DUSP22: variants seen among roughly 807,000 people sequenced by gnomAD.
DUSP22 encodes the protein dual specificity protein phosphatase 22.
In DUSP22, 24 loss-of-function variants were observed where a neutral mutation model predicts 24.5. The ratio of observed to expected loss-of-function variants is 0.98; its 90% CI spans 0.71 to 1.38. The LOEUF (loss-of-function observed/expected upper bound fraction) is 1.38, where lower values mean the gene tolerates loss of function less well. Among genes scored for constraint, DUSP22 ranks in the 40% most tolerant of loss-of-function variants. The pLI is 0.00. For synonymous variants in DUSP22, 160 were observed against 106.4 expected, an observed-to-expected ratio of 1.50 and a Z score of -3.10; for missense variants, 330 against 269.2, an observed-to-expected ratio of 1.23 and a Z score of -1.58.
chr6:333,705 G>A (rs903354355), intron 3 of DUSP22, among the ~76,000 whole-genome samples: 14 of 152,296 alleles, frequency 9.2e-5, no homozygotes, highest in Non-Finnish European at 1.9e-4. Context: ...CAAGCTCAGC[G>A]CCCACTTTGC....
At chr6:304,775 A>G (rs553236039) in intron 2 of DUSP22, 114 bp downstream of exon 2, 341 of 1,434,058 alleles carry the variant, frequency 2.4e-4, no homozygotes, top group Non-Finnish European at 3.1e-4. Flanking sequence ...ATTGCTGTGC[A>G]GCCATCACCA....
chr6:316,518 C>T (rs1258709201), intron 3 of DUSP22, among the ~76,000 whole-genome samples: 5 of 152,306 alleles, frequency 3.3e-5, no homozygotes, highest in African/African-American at 1.2e-4. Flanking sequence ...CTGATGGCTC[C>T]AGGTTTGAGG....
At chr6:329,011 G>C (rs1759016772) in intron 3 of DUSP22, among the ~76,000 whole-genome samples, 1 of 152,308 alleles carries the variant, frequency 6.6e-6, no homozygotes, top group African/African-American at 2.4e-5. Context: ...GTCATACCTG[G>C]AGGAGAAATA....
chr6:331,731 A>G (rs537608589), intron 3 of DUSP22, among the ~76,000 whole-genome samples: 2 of 152,418 alleles, frequency 1.3e-5, no homozygotes, highest in South Asian at 4.1e-4. Context: ...TTCTAAGGTA[A>G]CTCAAATTCT....
chr6:350,406 T>C lies in DUSP22; in HGVS notation c.*1455T>C. Reference sequence around the variant, plus strand: ...GCAGAGTCACTCGAATGAAAAAACATACTCGACCTCTCCCTAAAAAGATGT... The same window carrying C: ...GCAGAGTCACTCGAATGAAAAAACACACTCGACCTCTCCCTAAAAAGATGT... On this transcript the variant is annotated 3_prime_UTR_variant, in exon 7 of 7. Transcript: ENST00000419235. The C allele has an allele frequency of 2.7e-6, 3 of 1,105,806 alleles. No homozygotes were observed. Among genetic ancestry groups the C allele is most frequent in the Non-Finnish European group, 3.3e-6 (3 of 903,354 alleles). The allele number at this position is 1,105,806 out of a possible 1,614,324, so 68.5% of individuals were successfully genotyped here. A position where few individuals can be genotyped will look rare whatever the true frequency, so the allele number is the denominator to read the frequency against.
At chr6:342,278 C>T (rs1422187714) in intron 4 of DUSP22, among the ~76,000 whole-genome samples, 2 of 152,302 alleles carry the variant, frequency 1.3e-5, no homozygotes, top group Admixed American at 6.5e-5. Flanking sequence ...TGCGTACAGA[C>T]ACGGCTCTTT....
chr6:335,519 T>C (rs905253571), intron 4 of DUSP22, among the ~76,000 whole-genome samples: 1 of 152,300 alleles, frequency 6.6e-6, no homozygotes. Flanking sequence ...CGCTGTCCAA[T>C]AGAAATAGAT....
Position 351,186 on chromosome 6 carries a change from G to T in DUSP22, c.*2235G>T. 1 of 429,314 alleles carries T rather than the reference G, an allele frequency of 2.3e-6. No individual in the cohort carries two copies. Among genetic ancestry groups the T allele is most frequent in the African/African-American group, 2.0e-5 (1 of 50,578 alleles). The allele number at this position is 429,314 out of a possible 1,614,324, so 26.6% of individuals were successfully genotyped here. A position where few individuals can be genotyped will look rare whatever the true frequency, so the allele number is the denominator to read the frequency against. On this transcript the variant is annotated 3_prime_UTR_variant, in exon 7 of 7. Coordinates refer to ENST00000419235, the MANE Select transcript of DUSP22 (RefSeq NM_001286555.3). The stretch of plus-strand genomic sequence containing the variant: ...TTGCTTCCTGTGAACGCCTCCCAAG[G>T]ACGAGCCCAGTGTAGTTGTGTGGCG...
At position 349,391 on chromosome 6, in the gene DUSP22, C is replaced by A. The variant is rs1394533712; in HGVS notation, c.*440C>A. ...GGAAGTCACAGAATTCATATTGCTG[C>A]CCGGGTTGGTGTGGCCACCTTTCCC... On this transcript the variant is annotated 3_prime_UTR_variant, in exon 7 of 7. Coordinates refer to ENST00000419235, the MANE Select transcript of DUSP22 (RefSeq NM_001286555.3). 9.8e-7 allele frequency: 1 copy of A among 1,022,238 alleles called. No individual in the cohort carries two copies. 63.3% of individuals were successfully genotyped at this position (1,022,238 alleles called of 1,614,324 possible).
intron 3 of DUSP22, among the ~76,000 whole-genome samples, chr6:323,054 T>G (rs1432968313): frequency 2.6e-5 from 4 of 152,304 alleles, no homozygotes; most frequent in Non-Finnish European, 5.9e-5. Context: ...CAGGTGGACC[T>G]TGTGTTTGCC....
intron 1 of DUSP22, 101 bp from the exon 2 acceptor site, chr6:304,527 C>T (rs1005170267): frequency 1.9e-6 from 3 of 1,554,994 alleles, no homozygotes; most frequent in African/African-American, 2.7e-5. Context: ...TGGGGAAGCA[C>T]CTGGCCTTTG....
At chr6:347,864 A>C (rs1759955620) in intron 5 of DUSP22, among the ~76,000 whole-genome samples, 1 of 152,424 alleles carries the variant, frequency 6.6e-6, no homozygotes, top group South Asian at 2.1e-4. Flanking sequence ...CCCATAGAAA[A>C]CCAATAAAAG....
chr6:346,695 A>C (rs1759895151), intron 5 of DUSP22, among the ~76,000 whole-genome samples: 1 of 152,260 alleles, frequency 6.6e-6, no homozygotes, highest in African/African-American at 2.4e-5. Context: ...TCTTGAATGA[A>C]GTGTGTTATT....
chr6:351,034 T>C lies in DUSP22; in HGVS notation c.*2083T>C, dbSNP rs1760187594. ...TGTTTATGTTGAGAACTAAGGATATTCTTTAGCAAGAGAAAATATTTTCCC... is the reference window on the plus strand; with the variant it reads ...TGTTTATGTTGAGAACTAAGGATATCCTTTAGCAAGAGAAAATATTTTCCC... On this transcript the variant is annotated 3_prime_UTR_variant, in exon 7 of 7. Transcript: ENST00000419235. 10 of 1,056,244 alleles carry C rather than the reference T, an allele frequency of 9.5e-6. No individual in the cohort carries two copies. The highest frequency in any genetic ancestry group is 1.4e-5 in the Non-Finnish European group (10 of 724,998). The allele number at this position is 1,056,244 out of a possible 1,614,324, so 65.4% of individuals were successfully genotyped here.
intron 1 of DUSP22, among the ~76,000 whole-genome samples, chr6:298,969 G>C (rs1381636535): frequency 6.6e-6 from 1 of 152,306 alleles, no homozygotes; most frequent in African/African-American, 2.4e-5. Flanking sequence ...GAGAGTGCCA[G>C]GGAGTTTGGT....
chr6:304,482 G>A (rs945990631), intron 1 of DUSP22, 146 bp from the exon 2 acceptor site: 13 of 1,225,888 alleles, frequency 1.1e-5, no homozygotes, highest in Non-Finnish European at 1.6e-5. Flanking sequence ...TGGGGATGTT[G>A]GGTCACCCGC....
chr6:342,738 C>G (rs1419604430), intron 4 of DUSP22, among the ~76,000 whole-genome samples: 1 of 152,006 alleles, frequency 6.6e-6, no homozygotes, highest in Non-Finnish European at 1.5e-5. Context: ...GGCCGGAGGT[C>G]AGGGGCAGAG....
Position 292,666 on chromosome 6 carries a change from G to T in DUSP22, c.21+106G>T, listed in dbSNP as rs538590483. ...TCGAGCCCGGGGTGCCCTTTCCCGC[G>T]GTGGGGACGGGCGCGGAGGGAGGGG... is the stretch of plus-strand genomic sequence containing the variant. On this transcript the variant is annotated intron_variant, in intron 1 of 6. Transcript: ENST00000419235. 1.2e-5 allele frequency: 17 copies of T among 1,446,466 alleles called. No homozygotes were observed. In the South Asian group the frequency reaches 2.2e-4, roughly 19 times the overall value. 89.6% of individuals were successfully genotyped at this position (1,446,466 alleles called of 1,614,324 possible). A position where few individuals can be genotyped will look rare whatever the true frequency, so the allele number is the denominator to read the frequency against.
At chr6:300,521 G>A (rs1225000548) in intron 1 of DUSP22, among the ~76,000 whole-genome samples, 2 of 152,310 alleles carry the variant, frequency 1.3e-5, no homozygotes, top group African/African-American at 4.8e-5. Context: ...CTAAGAAGCT[G>A]AGCCTGAAAG....
Sources: gnomAD v4.1 joint callset for allele counts (sites outside exome capture counted in the v4.1 genomes callset) on GRCh38, gnomAD v4.1.1 for gene constraint, MANE v1.5 for transcripts, NCBI Gene and HGNC (gene_info 2026-07-23, HGNC 2026-07-21) for gene names.